The following LMO7 variants were observed in gnomAD, a reference collection of about 807,000 sequenced individuals.
The protein encoded by LMO7 is LIM domain only protein 7.
In LMO7, 120 loss-of-function variants were observed where a neutral mutation model predicts 206.5. That is an observed-to-expected ratio of 0.58 (90% CI 0.50 to 0.68). The LOEUF is 0.68. Among genes scored for constraint, LMO7 ranks in the 30% least tolerant of loss-of-function variants. The probability of loss-of-function intolerance (pLI) is 0.00; values close to 1 mark genes in which losing one functional copy is unlikely to be tolerated. For synonymous variants in LMO7, 706 were observed against 681.5 expected (o/e 1.04, Z -0.56); for missense variants, 1,959 against 1,957.9 (o/e 1.00, Z -0.01).
At chr13:75,744,075 T>C (rs925107177) in intron 3 of LMO7, among the ~76,000 whole-genome samples, 1 of 152,190 alleles carries the variant, frequency 6.6e-6, no homozygotes, top group African/African-American at 2.4e-5. Flanking sequence ...TAACCCGTCA[T>C]GTAAATGGCA....
At chr13:75,778,347 C>T (rs2050809108) in intron 4 of LMO7, among the ~76,000 whole-genome samples, 2 of 152,104 alleles carry the variant, frequency 1.3e-5, no homozygotes, top group African/African-American at 4.8e-5. Flanking sequence ...ATTCTCTCGC[C>T]TCAGCCTCCC....
At chr13:75,843,013 T>G in intron 25 of LMO7, 97 bp downstream of exon 25, 1 of 797,782 alleles carries the variant, frequency 1.3e-6, no homozygotes, top group Non-Finnish European at 2.1e-6. Context: ...CTTTAGCCCT[T>G]TGTCATTTGT....
intron 3 of LMO7, among the ~76,000 whole-genome samples, chr13:75,754,125 C>T (rs955989983): frequency 2.6e-5 from 4 of 152,200 alleles, no homozygotes; most frequent in East Asian, 1.9e-4. Context: ...GTTGTGCAAC[C>T]ATTAAACATT....
At position 75,849,206 on chromosome 13, in the gene LMO7, A is replaced by T. The variant is rs1241815870; in HGVS notation, c.4278A>T (p.Thr1426=). 10 of 1,613,894 alleles carry T rather than the reference A, an allele frequency of 6.2e-6. No individual in the cohort carries two copies. The highest frequency in any genetic ancestry group is 8.5e-6 in the Non-Finnish European group (10 of 1,179,906). ...TCCTTCAGGAAATGAGGAAGAGAACACCCCTTCACAATGACAACAGCTGGA... is the reference window on the plus strand; with the variant it reads ...TCCTTCAGGAAATGAGGAAGAGAACTCCCCTTCACAATGACAACAGCTGGA... The part of the protein sequence containing the change: ...QQILQEMRKR[T]PLHNDNSWIR... The change falls in exon 27 of 31, where the codon ACA becomes ACT. Residue 1426 remains threonine (T), a synonymous_variant. Coordinates refer to ENST00000377534, the MANE Select transcript of LMO7 (RefSeq NM_001306080.2).
At chr13:75,830,556 C>G (rs1184981542) in intron 15 of LMO7, among the ~76,000 whole-genome samples, 1 of 152,134 alleles carries the variant, frequency 6.6e-6, no homozygotes, top group Non-Finnish European at 1.5e-5. Context: ...TGTGTTCTGT[C>G]CCAAGGACTA....
chr13:75,737,609 CGG>C (rs2139039366), intron 3 of LMO7, among the ~76,000 whole-genome samples: 1 of 146,714 alleles, frequency 6.8e-6, no homozygotes, highest in African/African-American at 2.5e-5. Flanking sequence ...AAAAATTAGC[CGG>C]GCGTGGTAGC....
intron 4 of LMO7, among the ~76,000 whole-genome samples, chr13:75,783,646 T>C (rs2051920393): frequency 6.6e-6 from 1 of 152,194 alleles, no homozygotes. Context: ...CCTGCCACTT[T>C]GTATCTGAAA....
rs112891627 is a variant in LMO7, at chr13:75,755,138, A to C, written c.211-5794A>C. Among the ~76,000 whole-genome samples, 689 of 152,178 alleles carry C rather than the reference A, an allele frequency of 4.5e-3. 5 individuals carry two copies. The highest frequency in any genetic ancestry group is 0.015 in the African/African-American group (640 of 41,522). On this transcript the variant is annotated intron_variant, in intron 3 of 30. Coordinates refer to ENST00000377534, the MANE Select transcript of LMO7 (RefSeq NM_001306080.2). ...AGGCTTGAGTAGGAGACAGACTTGC[A>C]GAGTGAAAGACCAAGGAGGTCTTTC...
chr13:75,817,933 A>G (rs2138249315), intron 12 of LMO7, among the ~76,000 whole-genome samples: 1 of 152,340 alleles, frequency 6.6e-6, no homozygotes. Context: ...AATGCAAAGA[A>G]ATACAGTAGA....
At chr13:75,782,387 G>T (rs1013708429) in intron 4 of LMO7, among the ~76,000 whole-genome samples, 1 of 152,114 alleles carries the variant, frequency 6.6e-6, no homozygotes, top group Non-Finnish European at 1.5e-5. Context: ...ATATAATAAA[G>T]GTGACTTCTG....
intron 19 of LMO7, among the ~76,000 whole-genome samples, chr13:75,837,383 A>G (rs1595431465): frequency 6.6e-6 from 1 of 152,324 alleles, no homozygotes; most frequent in East Asian, 1.9e-4. Context: ...CTCAGGTGAG[A>G]TAGGTGATCA....
chr13:75,699,282 T>C (rs1028032289), intron 1 of LMO7, among the ~76,000 whole-genome samples: 1 of 152,194 alleles, frequency 6.6e-6, no homozygotes, highest in Non-Finnish European at 1.5e-5. Context: ...ACTCACAGAT[T>C]TAATGTCTTT....
Position 75,760,998 on chromosome 13 carries a change from C to G in LMO7, c.277C>G (p.Pro93Ala). The G allele has an allele frequency of 1.2e-6, 2 of 1,613,362 alleles. No homozygotes were observed. The highest frequency in any genetic ancestry group is 1.7e-6 in the Non-Finnish European group (2 of 1,179,634). The change falls in exon 4 of 31, where the codon CCT (proline) becomes GCT (alanine). Residue 93 changes from proline to alanine, a missense_variant. Coordinates refer to ENST00000377534, the MANE Select transcript of LMO7 (RefSeq NM_001306080.2). ...IGLKEAQLFH[P>A]GDLQDLSNRV... ...ATTGAAAGAAGCCCAGCTTTTCCAT[C>G]CTGGAGATCTACAGGATTTATCAAA...
intron 2 of LMO7, among the ~76,000 whole-genome samples, chr13:75,723,074 C>T (rs978366278): frequency 6.6e-6 from 1 of 151,896 alleles, no homozygotes; most frequent in Non-Finnish European, 1.5e-5. Context: ...GTGGATACTC[C>T]TCAAGTGATG....
At chr13:75,815,426 A>G (rs2056881981) in intron 11 of LMO7, among the ~76,000 whole-genome samples, 1 of 152,186 alleles carries the variant, frequency 6.6e-6, no homozygotes, top group Non-Finnish European at 1.5e-5. Flanking sequence ...TGTGTGACCC[A>G]ATGTTGTGAA....
chr13:75,804,819 T>C (rs1291274646), intron 8 of LMO7: 36 of 1,131,304 alleles, frequency 3.2e-5, no homozygotes, highest in Non-Finnish European at 3.8e-5. Context: ...GTATTGTTCA[T>C]GATGAGCCAT....
At chr13:75,732,018 T>G (rs1000842380) in intron 3 of LMO7, among the ~76,000 whole-genome samples, 8 of 152,290 alleles carry the variant, frequency 5.3e-5, no homozygotes, top group Non-Finnish European at 1.0e-4. Flanking sequence ...GGGTTTCCCT[T>G]TGTGGGTAAC....
chr13:75,764,731 AC>A (rs1288264680), intron 4 of LMO7, among the ~76,000 whole-genome samples: 5 of 151,954 alleles, frequency 3.3e-5, no homozygotes, highest in Non-Finnish European at 7.4e-5. Context: ...TCTTCTTTCC[AC>A]CCCCTTACCA....
chr13:75,741,988 G>A (rs146040686), intron 3 of LMO7, among the ~76,000 whole-genome samples: 5 of 152,154 alleles, frequency 3.3e-5, no homozygotes, highest in Admixed American at 6.5e-5. Context: ...GCATAGTCTC[G>A]GCCCCAAAGC....
Sources: allele counts gnomAD v4.1 joint callset (sites outside exome capture counted in the v4.1 genomes callset), GRCh38; gene constraint gnomAD v4.1.1; transcripts MANE v1.5; gene names NCBI Gene and HGNC (gene_info 2026-07-23, HGNC 2026-07-21).